The following NHS variants were observed in gnomAD, a reference collection of about 807,000 sequenced individuals.
The protein encoded by NHS is actin remodeling regulator NHS.
Under a neutral mutation model 72.5 loss-of-function variants are expected in NHS, and 5 were observed. The observed-to-expected ratio is 0.07, with a 90% CI of 0.04 to 0.14. NHS has a LOEUF of 0.14. Among genes scored for constraint, NHS ranks in the 10% least tolerant of loss-of-function variants. NHS has a pLI of 1.00. For synonymous variants in NHS, 464 were observed against 547.7 expected (o/e 0.85, Z 2.13); for missense variants, 1,072 against 1,355.7 (o/e 0.79, Z 3.29).
At chrX:17,545,792 A>T (rs1432016237) in intron 1 of NHS, among the ~76,000 whole-genome samples, 6 of 111,922 alleles carry the variant, frequency 5.4e-5, no homozygotes, top group Non-Finnish European at 1.1e-4. Flanking sequence ...ACTGTGCCTG[A>T]CTTCTAATCT....
chrX:17,536,570 T>C (rs1430446943), intron 1 of NHS, among the ~76,000 whole-genome samples: 1 of 112,475 alleles, frequency 8.9e-6, no homozygotes, highest in African/African-American at 3.2e-5. Context: ...GTCAGATTTG[T>C]GATTTATTGA....
At chrX:17,491,938 C>A (rs1233032232) in intron 1 of NHS, among the ~76,000 whole-genome samples, 1 of 110,415 alleles carries the variant, frequency 9.1e-6, no homozygotes, top group African/African-American at 3.3e-5. Context: ...TTGTAGTATT[C>A]TTTGATGGTA....
At chrX:17,390,299 C>G (rs895972088) in intron 1 of NHS, among the ~76,000 whole-genome samples, 1 of 112,058 alleles carries the variant, frequency 8.9e-6, no homozygotes, top group African/African-American at 3.2e-5. Flanking sequence ...GTTCCTTGAG[C>G]CTGTATTTAT....
At chrX:17,537,090 A>G (rs972866252) in intron 1 of NHS, among the ~76,000 whole-genome samples, 2 of 112,464 alleles carry the variant, frequency 1.8e-5, no homozygotes, top group African/African-American at 3.2e-5. Context: ...TCCAAGCAAG[A>G]CAAAGACCAA....
chrX:17,664,450 G>T (rs2147095164), intron 1 of NHS, among the ~76,000 whole-genome samples: 1 of 111,998 alleles, frequency 8.9e-6, no homozygotes, highest in Admixed American at 9.5e-5. Context: ...AAGAAAACCA[G>T]AAAACTCCTT....
intron 1 of NHS, among the ~76,000 whole-genome samples, chrX:17,676,338 A>G (rs1176507203): frequency 9.0e-6 from 1 of 111,526 alleles, no homozygotes; most frequent in African/African-American, 3.3e-5. Flanking sequence ...CGATTTTAAC[A>G]TGTCATACTC....
At chrX:17,559,815 T>C (rs766004433) in intron 1 of NHS, among the ~76,000 whole-genome samples, 336 of 111,430 alleles carry the variant, frequency 3.0e-3, no homozygotes, top group Non-Finnish European at 5.1e-3. Context: ...GAATACTTAA[T>C]AGCGGACATT....
chrX:17,459,622 C>A, intron 1 of NHS, among the ~76,000 whole-genome samples: 1 of 112,082 alleles, frequency 8.9e-6, no homozygotes, highest in Middle Eastern at 4.6e-3. Flanking sequence ...CTCCTTTTCT[C>A]TTTCTTTAAC....
In NHS at chrX:17,732,548, G is replaced by C; in HGVS notation, c.*84G>C. ...GAACAGAACAGAGGACTTGGGAAAA[G>C]TCTCAACTTGATGGGGTAGCATCAC... On this transcript the variant is annotated 3_prime_UTR_variant, in exon 9 of 9. Coordinates refer to ENST00000676302, the MANE Select transcript of NHS (RefSeq NM_001291867.2). The C allele has an allele frequency of 8.6e-7, 1 of 1,169,469 alleles. No individual in the cohort carries two copies. Among genetic ancestry groups the C allele is most frequent in the Non-Finnish European group, 1.2e-6 (1 of 858,157 alleles).
intron 1 of NHS, among the ~76,000 whole-genome samples, chrX:17,444,601 C>T (rs975933891): frequency 1.8e-5 from 2 of 111,692 alleles, no homozygotes; most frequent in Non-Finnish European, 3.8e-5. Context: ...GGGAGCACTA[C>T]TGTCACTGGC....
At position 17,376,334 on chromosome X, in the gene NHS, C is replaced by T; in HGVS notation, c.565+12C>T. The T allele has an allele frequency of 8.8e-7, 1 of 1,140,547 alleles. No individual in the cohort carries two copies. The highest frequency in any genetic ancestry group is 2.6e-5 in the Admixed American group (1 of 38,780). 94.0% of individuals were successfully genotyped at this position (1,140,547 alleles called of 1,213,427 possible). A position where few individuals can be genotyped will look rare whatever the true frequency, so the allele number is the denominator to read the frequency against. On this transcript the variant is annotated intron_variant, in intron 1 of 8. Transcript: ENST00000676302. ...GCAGGAGGCAGTGCGTGAGTACCCGCGCCGTCCGCCCGCCAGGCTATGGGT... is the reference window on the plus strand; with the variant it reads ...GCAGGAGGCAGTGCGTGAGTACCCGTGCCGTCCGCCCGCCAGGCTATGGGT...
chrX:17,735,973 A>G lies in NHS; in HGVS notation c.*3509A>G, dbSNP rs1569323843. On this transcript the variant is annotated 3_prime_UTR_variant, in exon 9 of 9. Coordinates refer to ENST00000676302, the MANE Select transcript of NHS (RefSeq NM_001291867.2). Reference sequence around the variant, plus strand: ...CTAGAAAGTGTGTATAGAAACTGCAAATAAACGTGACTGCAATTAAACAAC... The same window carrying G: ...CTAGAAAGTGTGTATAGAAACTGCAGATAAACGTGACTGCAATTAAACAAC... 2 of 112,447 alleles carry G rather than the reference A, an allele frequency of 1.8e-5. No individual in the cohort carries two copies. Among genetic ancestry groups the G allele is most frequent in the Non-Finnish European group, 3.8e-5 (2 of 53,303 alleles). 9.3% of individuals were successfully genotyped at this position (112,447 alleles called of 1,213,427 possible). A position where few individuals can be genotyped will look rare whatever the true frequency, so the allele number is the denominator to read the frequency against.
At chrX:17,479,444 G>GT (rs1342187077) in intron 1 of NHS, among the ~76,000 whole-genome samples, 1 of 112,169 alleles carries the variant, frequency 8.9e-6, no homozygotes, top group Non-Finnish European at 1.9e-5. Context: ...GGGTCAAATG[G>GT]TATTTCTGGT....
intron 1 of NHS, among the ~76,000 whole-genome samples, chrX:17,428,906 G>A (rs2064671050): frequency 1.8e-5 from 2 of 110,820 alleles, no homozygotes; most frequent in African/African-American, 6.6e-5. Context: ...CACAACCAAA[G>A]CTTTTGCCTG....
At chrX:17,583,253 T>C (rs1028237988) in intron 1 of NHS, among the ~76,000 whole-genome samples, 5 of 111,710 alleles carry the variant, frequency 4.5e-5, no homozygotes, top group African/African-American at 1.6e-4. Flanking sequence ...GCTTATATCC[T>C]AGGGAAGAGA....
intron 1 of NHS, among the ~76,000 whole-genome samples, chrX:17,640,178 G>A (rs147751494): frequency 3.2e-3 from 355 of 111,238 alleles, no homozygotes; most frequent in African/African-American, 0.011. Flanking sequence ...AAACTGAAGT[G>A]GAAGTTACTT....
At chrX:17,598,785 A>C (rs965609555) in intron 1 of NHS, among the ~76,000 whole-genome samples, 1 of 111,520 alleles carries the variant, frequency 9.0e-6, no homozygotes, top group Non-Finnish European at 1.9e-5. Flanking sequence ...AATGGTATAC[A>C]TATAGAAAAA....
chrX:17,572,059 A>C (rs2065482169), intron 1 of NHS, among the ~76,000 whole-genome samples: 1 of 111,683 alleles, frequency 9.0e-6, no homozygotes, highest in Non-Finnish European at 1.9e-5. Context: ...GTTCTTTTAC[A>C]TTTGCTGAGG....
chrX:17,376,398 A>G, intron 1 of NHS, 76 bp downstream of exon 1: 1 of 945,289 alleles, frequency 1.1e-6, no homozygotes, highest in Non-Finnish European at 1.5e-6. Context: ...AGCAGCGGCA[A>G]TCCCAGCCCC....
Sources: allele counts gnomAD v4.1 joint callset (sites outside exome capture counted in the v4.1 genomes callset), GRCh38; gene constraint gnomAD v4.1.1; transcripts MANE v1.5; gene names NCBI Gene and HGNC (gene_info 2026-07-23, HGNC 2026-07-21).